Variants in PALM2AKAP2 observed in about 807,000 individuals in gnomAD.
PALM2AKAP2 encodes the protein PALM2 and AKAP2 fusion.
In PALM2AKAP2, 37 loss-of-function variants were observed where a neutral mutation model predicts 71.5. That is an observed-to-expected ratio of 0.52 (90% CI 0.40 to 0.68). PALM2AKAP2 has a LOEUF of 0.68. Among genes scored for constraint, PALM2AKAP2 ranks in the 30% least tolerant of loss-of-function variants. PALM2AKAP2 has a pLI of 0.00. For synonymous variants in PALM2AKAP2, 468 were observed against 478.8 expected (o/e 0.98, Z 0.29); for missense variants, 1,224 against 1,191.8 (o/e 1.03, Z -0.40).
chr9:110,128,818 G>A (rs960958739), intron 1 of PALM2AKAP2, among the ~76,000 whole-genome samples: 5 of 152,224 alleles, frequency 3.3e-5, no homozygotes, highest in African/African-American at 1.2e-4. Context: ...GACCTGCTAA[G>A]GAAAATGCAC....
At chr9:109,710,240 G>T (rs956112424) in intron 1 of PALM2AKAP2, among the ~76,000 whole-genome samples, 26 of 152,334 alleles carry the variant, frequency 1.7e-4, no homozygotes, top group African/African-American at 6.0e-4. Context: ...TGGTCAGTTT[G>T]TGGTAATTTG....
chr9:110,130,809 C>T (rs937157389), intron 1 of PALM2AKAP2, among the ~76,000 whole-genome samples: 3 of 152,180 alleles, frequency 2.0e-5, no homozygotes, highest in Non-Finnish European at 4.4e-5. Flanking sequence ...AGGGTTCGCT[C>T]TATTGGCATA....
intron 1 of PALM2AKAP2, among the ~76,000 whole-genome samples, chr9:110,087,424 A>C (rs1834599230): frequency 1.3e-5 from 2 of 152,168 alleles, no homozygotes; most frequent in African/African-American, 4.8e-5. Context: ...CACAGTTGCA[A>C]TCATTTGTTC....
intron 1 of PALM2AKAP2, among the ~76,000 whole-genome samples, chr9:109,859,274 G>A (rs1829250042): frequency 6.6e-6 from 1 of 152,184 alleles, no homozygotes; most frequent in Non-Finnish European, 1.5e-5. Flanking sequence ...AGTGGAGAAG[G>A]GAGTGTGTGT....
At chr9:109,755,078 C>T (rs1564135720) in intron 1 of PALM2AKAP2, among the ~76,000 whole-genome samples, 1 of 152,088 alleles carries the variant, frequency 6.6e-6, no homozygotes, top group Non-Finnish European at 1.5e-5. Context: ...AAGCCACCAT[C>T]ACCTCTTAGC....
At chr9:109,924,471 G>A (rs934648037) in intron 4 of PALM2AKAP2, among the ~76,000 whole-genome samples, 1 of 152,100 alleles carries the variant, frequency 6.6e-6, no homozygotes, top group Admixed American at 6.5e-5. Flanking sequence ...GCGGTGGCAG[G>A]CGCCTGTAAT....
At chr9:110,149,646 T>C (rs893069442) in intron 2 of PALM2AKAP2, among the ~76,000 whole-genome samples, 1 of 152,176 alleles carries the variant, frequency 6.6e-6, no homozygotes, top group East Asian at 1.9e-4. Flanking sequence ...ACCACAAATA[T>C]AGTAGCTTAA....
intron 3 of PALM2AKAP2, among the ~76,000 whole-genome samples, chr9:109,889,201 A>G (rs532893974): frequency 6.6e-6 from 1 of 152,362 alleles, no homozygotes; most frequent in African/African-American, 2.4e-5. Context: ...TTAAAAAGAA[A>G]TAGTTGCTTT....
At chr9:109,937,407 A>C (rs1394927293) in intron 6 of PALM2AKAP2, among the ~76,000 whole-genome samples, 2 of 152,186 alleles carry the variant, frequency 1.3e-5, no homozygotes, top group Non-Finnish European at 2.9e-5. Flanking sequence ...GAACCAAGAA[A>C]ACCAAATGCG....
chr9:109,668,891 G>C (rs1182931698), intron 1 of PALM2AKAP2, among the ~76,000 whole-genome samples: 2 of 152,202 alleles, frequency 1.3e-5, no homozygotes, highest in Non-Finnish European at 2.9e-5. Flanking sequence ...GTAGCACTAA[G>C]GTGCAGATTC....
At chr9:109,955,225 A>C (rs10120878) in intron 6 of PALM2AKAP2, among the ~76,000 whole-genome samples, 15,031 of 152,194 alleles carry the variant, frequency 0.099, 862 homozygotes, top group African/African-American at 0.13. Context: ...TCTTTGGATG[A>C]ATGAGGCTTT....
intron 1 of PALM2AKAP2, among the ~76,000 whole-genome samples, chr9:109,768,095 A>G (rs1829191963): frequency 6.6e-6 from 1 of 151,628 alleles, no homozygotes; most frequent in Non-Finnish European, 1.5e-5. Context: ...GAAGACAGGC[A>G]GGAAGAAAGG....
At chr9:109,943,264 G>T (rs374676824) in intron 6 of PALM2AKAP2, 1 of 1,614,222 alleles carries the variant, frequency 6.2e-7, no homozygotes, top group Non-Finnish European at 8.5e-7. Flanking sequence ...AGTGACGGAC[G>T]TGTCCACTAT....
chr9:110,153,644 A>T (rs1490004730), intron 2 of PALM2AKAP2, among the ~76,000 whole-genome samples: 2 of 152,172 alleles, frequency 1.3e-5, no homozygotes, highest in African/African-American at 4.8e-5. Context: ...TGAATTGCCT[A>T]CCTCGTGCCA....
intron 1 of PALM2AKAP2, among the ~76,000 whole-genome samples, chr9:110,126,691 C>A (rs1044666128): frequency 6.6e-6 from 1 of 152,194 alleles, no homozygotes; most frequent in African/African-American, 2.4e-5. Context: ...AAGAAACAAC[C>A]CTTTCATCAG....
chr9:109,816,557 G>A (rs1431245629), intron 1 of PALM2AKAP2, among the ~76,000 whole-genome samples: 2 of 152,192 alleles, frequency 1.3e-5, no homozygotes, highest in Admixed American at 1.3e-4. Flanking sequence ...AGCCCTGAGT[G>A]CAGATCGTTG....
At chr9:110,077,088 G>A (rs532144137) in intron 1 of PALM2AKAP2, among the ~76,000 whole-genome samples, 1 of 152,250 alleles carries the variant, frequency 6.6e-6, no homozygotes, top group South Asian at 2.1e-4. Context: ...TGGAATCAAT[G>A]TTCTCCATAG....
chr9:110,151,019 A>T (rs969980515), intron 2 of PALM2AKAP2, among the ~76,000 whole-genome samples: 1 of 152,072 alleles, frequency 6.6e-6, no homozygotes, highest in Non-Finnish European at 1.5e-5. Context: ...TGGTGTAGTT[A>T]AAAAAAACAC....
At chr9:109,684,084 G>C (rs1285395972) in intron 1 of PALM2AKAP2, among the ~76,000 whole-genome samples, 2 of 152,102 alleles carry the variant, frequency 1.3e-5, no homozygotes, top group East Asian at 3.9e-4. Context: ...TTTGCTTGTA[G>C]AAAGGGGATT....
Sources: gnomAD v4.1 joint callset for allele counts (sites outside exome capture counted in the v4.1 genomes callset) on GRCh38, gnomAD v4.1.1 for gene constraint, MANE v1.5 for transcripts, NCBI Gene and HGNC (gene_info 2026-07-23, HGNC 2026-07-21) for gene names.